The following UBE3C variants were observed in gnomAD, a reference collection of about 807,000 sequenced individuals.
UBE3C encodes the protein ubiquitin-protein ligase E3C.
A neutral mutation model predicts 129.4 loss-of-function variants in UBE3C; 42 were observed. The observed-to-expected ratio is 0.32, with a 90% CI of 0.25 to 0.42. UBE3C has a LOEUF of 0.42. Among genes scored for constraint, UBE3C ranks in the 10% least tolerant of loss-of-function variants. The probability of loss-of-function intolerance (pLI) is 1.00; values close to 1 mark genes in which losing one functional copy is unlikely to be tolerated. For missense variants in UBE3C, 1,049 were observed against 1,319.1 expected (o/e 0.80, Z 3.17); for synonymous variants, 510 against 492.4 (o/e 1.04, Z -0.47).
chr7:157,173,589 T>C (rs892896617), intron 4 of UBE3C, among the ~76,000 whole-genome samples: 4 of 152,226 alleles, frequency 2.6e-5, no homozygotes, highest in African/African-American at 7.2e-5. Context: ...AAGTCAAATA[T>C]GGTACTAAGA....
intron 22 of UBE3C, among the ~76,000 whole-genome samples, chr7:157,259,698 G>A (rs932781425): frequency 1.7e-4 from 26 of 152,168 alleles, no homozygotes; most frequent in African/African-American, 5.5e-4. Flanking sequence ...GACACAGAGC[G>A]GGTCAGGGGC....
At chr7:157,241,115 G>T (rs915465344) in intron 18 of UBE3C, among the ~76,000 whole-genome samples, 1 of 152,110 alleles carries the variant, frequency 6.6e-6, no homozygotes, top group Non-Finnish European at 1.5e-5. Flanking sequence ...GTGCCCGGTG[G>T]TTCAAGGGTG....
intron 11 of UBE3C, among the ~76,000 whole-genome samples, chr7:157,203,923 CT>C (rs1809358730): frequency 6.6e-6 from 1 of 152,160 alleles, no homozygotes; most frequent in Non-Finnish European, 1.5e-5. Context: ...TTAGCCTAGC[CT>C]ACCTAAAACG....
At chr7:157,177,808 A>C (rs917456362) in intron 5 of UBE3C, among the ~76,000 whole-genome samples, 9 of 152,102 alleles carry the variant, frequency 5.9e-5, no homozygotes, top group African/African-American at 2.2e-4. Context: ...AGAACCCTGC[A>C]CGTTATTCCC....
intron 17 of UBE3C, 133 bp from the exon 18 acceptor site, chr7:157,230,947 G>A: frequency 7.9e-7 from 1 of 1,261,712 alleles, no homozygotes; most frequent in Non-Finnish European, 1.1e-6. Context: ...TAATATCATT[G>A]CTGTTTTGAG....
In UBE3C at chr7:157,196,819, A is replaced by G. The variant is rs572935116; in HGVS notation, c.1332-4902A>G. Among the ~76,000 whole-genome samples, 26 of 152,194 alleles carry G rather than the reference A, an allele frequency of 1.7e-4. 1 individual carries two copies. In the South Asian group the frequency reaches 5.4e-3, roughly 32 times the overall value. On this transcript the variant is annotated intron_variant, in intron 10 of 22. Coordinates refer to ENST00000348165, the MANE Select transcript of UBE3C (RefSeq NM_014671.3). ...CCCCGTCTCTACTAAAAATACAAAA[A>G]TGAGCTGGGCGTGGTGGTGCATGCC... is the stretch of plus-strand genomic sequence containing the variant.
At chr7:157,204,398 C>CAAAAAAAAAAAAAAAA (rs35298527) in intron 11 of UBE3C, among the ~76,000 whole-genome samples, 17 of 86,392 alleles carry the variant, frequency 2.0e-4, no homozygotes, top group East Asian at 1.4e-3. Context: ...AACTTTGTTT[C>CAAAAAAAAAAAAAAAA]AAAAAAAAAA....
intron 1 of UBE3C, among the ~76,000 whole-genome samples, chr7:157,147,349 G>A (rs892149244): frequency 4.6e-5 from 7 of 152,184 alleles, no homozygotes; most frequent in African/African-American, 9.7e-5. Flanking sequence ...TTGTAGAGAA[G>A]CAATTGACTT....
rs375200996 is a variant in UBE3C, at chr7:157,207,911, G to C, written c.1785G>C (p.Gln595His). ...TGCAACAATGCATACAGATGGAACA[G>C]AAAAGATGGATTCAGTTATTTAAGG... ...SEMQQCIQME[Q>H]KRWIQLFKVI... The change falls in exon 13 of 23, where the codon CAG becomes CAC. Residue 595 changes from glutamine (Q) to histidine (H), a missense_variant. Physicochemically the swap from Gln to His is conservative, Grantham distance 24. This residue lies in a region of UBE3C where 314 missense variants were observed against 416.9 expected (regional missense o/e 0.75). Coordinates refer to ENST00000348165, the MANE Select transcript of UBE3C (RefSeq NM_014671.3). The C allele has an allele frequency of 6.3e-7, 1 of 1,596,300 alleles. No homozygotes were observed. Among genetic ancestry groups the C allele is most frequent in the Non-Finnish European group, 8.5e-7 (1 of 1,173,150 alleles).
chr7:157,259,797 T>C (rs1263034484), intron 22 of UBE3C, among the ~76,000 whole-genome samples: 1 of 152,138 alleles, frequency 6.6e-6, no homozygotes, highest in Non-Finnish European at 1.5e-5. Context: ...ACTCTGTAAA[T>C]TTGCTAAAAT....
At chr7:157,158,050 CTTTTTT>C (rs60257662) in intron 1 of UBE3C, among the ~76,000 whole-genome samples, 4,910 of 101,082 alleles carry the variant, frequency 0.049, 124 homozygotes, top group Non-Finnish European at 0.068. Context: ...CTCTTTTTTC[CTTTTTT>C]TTTTTTTTTT....
At chr7:157,207,627 T>C in intron 12 of UBE3C, 72 bp downstream of exon 12, 1 of 1,584,986 alleles carries the variant, frequency 6.3e-7, no homozygotes, top group East Asian at 2.2e-5. Context: ...TAGAAAAGTT[T>C]TAAGCTTTTT....
chr7:157,202,402 A>G (rs371192489), intron 11 of UBE3C, among the ~76,000 whole-genome samples: 1 of 152,304 alleles, frequency 6.6e-6, no homozygotes, highest in African/African-American at 2.4e-5. Flanking sequence ...CACGCCTGTA[A>G]TTCCAGCACT....
intron 17 of UBE3C, among the ~76,000 whole-genome samples, chr7:157,227,173 T>G (rs1453695912): frequency 6.6e-6 from 1 of 152,072 alleles, no homozygotes; most frequent in Non-Finnish European, 1.5e-5. Context: ...AACAATGAGT[T>G]TGCCAATGAT....
intron 5 of UBE3C, among the ~76,000 whole-genome samples, chr7:157,175,789 T>A (rs867021533): frequency 3.9e-5 from 6 of 152,198 alleles, no homozygotes; most frequent in Non-Finnish European, 4.4e-5. Context: ...GTAATTCATA[T>A]TTTTTCTAAC....
chr7:157,140,114 C>A, intron 1 of UBE3C: 2 of 823,236 alleles, frequency 2.4e-6, no homozygotes, highest in African/African-American at 1.8e-5. Flanking sequence ...TCAGTTGGTT[C>A]ACTGGAACCG....
rs1417647296 is a variant in UBE3C, at chr7:157,216,869, T to C, written c.1812T>C (p.Val604=). ...EQKRWIQLFK[V]ITNLVKMLKS... is the part of the protein sequence containing the mutation. ...GCGGATATGTTCTTTCTTTTCAGGT[T>C]ATCACCAATCTAGTGAAAATGTTGA... The change falls in exon 14 of 23, where the codon GTT becomes GTC. Residue 604 remains valine, a splice_region_variant and synonymous_variant. Transcript: ENST00000348165. 2 of 1,613,458 alleles carry C rather than the reference T, an allele frequency of 1.2e-6. No homozygotes were observed. Among genetic ancestry groups the C allele is most frequent in the Non-Finnish European group, 1.7e-6 (2 of 1,179,636 alleles).
intron 1 of UBE3C, among the ~76,000 whole-genome samples, chr7:157,161,263 T>C (rs1808062720): frequency 6.6e-6 from 1 of 152,182 alleles, no homozygotes; most frequent in Non-Finnish European, 1.5e-5. Context: ...TGTACCATTT[T>C]TGTAGCTTTT....
intron 10 of UBE3C, among the ~76,000 whole-genome samples, chr7:157,193,801 A>G (rs191349424): frequency 1.2e-4 from 19 of 152,308 alleles, no homozygotes; most frequent in African/African-American, 4.6e-4. Flanking sequence ...GATGATTACA[A>G]ATTTAAGATG....
Sources: allele counts gnomAD v4.1 joint callset (sites outside exome capture counted in the v4.1 genomes callset), GRCh38; gene constraint gnomAD v4.1.1; regional missense constraint gnomAD v4.1.1; transcripts MANE v1.5; gene names NCBI Gene and HGNC (gene_info 2026-07-23, HGNC 2026-07-21).